MCF2L2: variants seen among roughly 807,000 people sequenced by gnomAD.
MCF2L2 encodes the protein probable guanine nucleotide exchange factor MCF2L2.
Under a neutral mutation model 150.2 loss-of-function variants are expected in MCF2L2, and 102 were observed. The ratio of observed to expected loss-of-function variants is 0.68; its 90% CI spans 0.58 to 0.80. MCF2L2 has a LOEUF of 0.80. Ranked by LOEUF, MCF2L2 falls within the 30% of genes least tolerant of loss-of-function variation. The pLI is 0.00. For missense variants in MCF2L2, 1,256 were observed against 1,372.8 expected, an observed-to-expected ratio of 0.91 and a Z score of 1.34; for synonymous variants, 465 against 491.3, an observed-to-expected ratio of 0.95 and a Z score of 0.71.
rs753050831 is a variant in MCF2L2, at chr3:183,227,456, G to T, written c.2115+841C>A. On this transcript the variant is annotated intron_variant, in intron 18 of 29. Transcript: ENST00000328913. This position sits in a 1 kb window ranked among gnomAD's most constrained non-coding sequence, Gnocchi z 4.0. Reference sequence around the variant, plus strand: ...AGGAGGCTGTAGATTTAGAATTTTCGAATCATCCTCTATGTTGTAAAAAAT... The same window carrying T: ...AGGAGGCTGTAGATTTAGAATTTTCTAATCATCCTCTATGTTGTAAAAAAT... 6.6e-6 allele frequency: 1 copy of T among 152,140 alleles called. No individual in the cohort carries two copies. The highest frequency in any genetic ancestry group is 1.5e-5 in the Non-Finnish European group (1 of 68,008). 9.4% of individuals were successfully genotyped at this position (152,140 alleles called of 1,614,324 possible).
At chr3:183,411,246 T>C (rs1715302739) in intron 1 of MCF2L2, among the ~76,000 whole-genome samples, 1 of 152,234 alleles carries the variant, frequency 6.6e-6, no homozygotes, top group Non-Finnish European at 1.5e-5. Context: ...ATAATAATTA[T>C]TGCCTGCCAG....
intron 3 of MCF2L2, among the ~76,000 whole-genome samples, chr3:183,359,518 T>C (rs922876992): frequency 6.6e-6 from 1 of 152,230 alleles, no homozygotes; most frequent in Non-Finnish European, 1.5e-5. Flanking sequence ...TCTATGGCCA[T>C]ATCACCTTGA....
chr3:183,218,580 G>A (rs1576932232), intron 21 of MCF2L2, among the ~76,000 whole-genome samples: 1 of 152,174 alleles, frequency 6.6e-6, no homozygotes, highest in East Asian at 1.9e-4. Flanking sequence ...GTTGCAGTGA[G>A]CCGAAACTGC....
At chr3:183,347,945 T>A (rs746716835) in intron 3 of MCF2L2, among the ~76,000 whole-genome samples, 1 of 152,172 alleles carries the variant, frequency 6.6e-6, no homozygotes, top group Non-Finnish European at 1.5e-5. Flanking sequence ...GCTTTTACAC[T>A]GTTGGTAGGA....
At chr3:183,246,611 T>C (rs1724266185) in intron 15 of MCF2L2, among the ~76,000 whole-genome samples, 2 of 152,262 alleles carry the variant, frequency 1.3e-5, no homozygotes, top group South Asian at 4.1e-4. Flanking sequence ...TGGGTTGTTT[T>C]CACCTTTTGG....
chr3:183,276,857 G>C lies in MCF2L2; in HGVS notation c.1862+15C>G, dbSNP rs750147155. 1.4e-5 allele frequency: 22 copies of C among 1,592,954 alleles called. 2 individuals carry two copies. In the South Asian group the frequency reaches 2.5e-4, roughly 18 times the overall value. On this transcript the variant is annotated intron_variant, in intron 15 of 29. Transcript: ENST00000328913. ...CACCCCCTCGCCCCCTGCACCCACG[G>C]ATGTGCAGTCTTACCTGCGGGGGGA...
chr3:183,410,089 C>A (rs973461680), intron 1 of MCF2L2, among the ~76,000 whole-genome samples: 1 of 152,130 alleles, frequency 6.6e-6, no homozygotes, highest in Non-Finnish European at 1.5e-5. Flanking sequence ...ACAACTAGTG[C>A]AGAAAGACCA....
chr3:183,422,497 C>A (rs923910387), intron 1 of MCF2L2, among the ~76,000 whole-genome samples: 4 of 152,198 alleles, frequency 2.6e-5, no homozygotes, highest in African/African-American at 9.7e-5. Context: ...CCCGCTGTAC[C>A]TGGGATAAAG....
chr3:183,189,591 G>A (rs1721807750), intron 27 of MCF2L2, among the ~76,000 whole-genome samples: 1 of 151,770 alleles, frequency 6.6e-6, no homozygotes, highest in South Asian at 2.1e-4. Context: ...CATGCCAGGA[G>A]ACCAGCAGGC....
chr3:183,384,263 T>C (rs552578217), intron 2 of MCF2L2, among the ~76,000 whole-genome samples: 18 of 152,342 alleles, frequency 1.2e-4, no homozygotes, highest in Non-Finnish European at 2.2e-4. Flanking sequence ...GAACTAACTT[T>C]GGGAGAAATT....
intron 25 of MCF2L2, among the ~76,000 whole-genome samples, chr3:183,199,595 T>C (rs1722187817): frequency 6.6e-6 from 1 of 152,064 alleles, no homozygotes; most frequent in South Asian, 2.1e-4. Context: ...GAAAATTTAT[T>C]TTCAGAATAT....
chr3:183,399,015 G>A (rs1042694794), intron 1 of MCF2L2, among the ~76,000 whole-genome samples: 1 of 152,088 alleles, frequency 6.6e-6, no homozygotes, highest in African/African-American at 2.4e-5. Flanking sequence ...GAAAGCTCTT[G>A]TAATAATTTA....
At chr3:183,255,449 T>C (rs1020639378) in intron 15 of MCF2L2, among the ~76,000 whole-genome samples, 6 of 152,216 alleles carry the variant, frequency 3.9e-5, no homozygotes, top group African/African-American at 1.2e-4. Flanking sequence ...AACCTGCTTG[T>C]CCTTCTCACT....
chr3:183,189,832 C>G (rs1721816804), intron 27 of MCF2L2, among the ~76,000 whole-genome samples: 1 of 152,196 alleles, frequency 6.6e-6, no homozygotes, highest in Non-Finnish European at 1.5e-5. Context: ...GGGCATTTAC[C>G]CAGACATCCT....
chr3:183,262,322 C>T (rs1472434349), intron 15 of MCF2L2, among the ~76,000 whole-genome samples: 3 of 151,918 alleles, frequency 2.0e-5, no homozygotes, highest in African/African-American at 7.3e-5. Flanking sequence ...CAATATTCAG[C>T]CCCCAGCAGG....
intron 2 of MCF2L2, among the ~76,000 whole-genome samples, chr3:183,381,003 T>C (rs2108588866): frequency 6.6e-6 from 1 of 152,332 alleles, no homozygotes; most frequent in Middle Eastern, 3.4e-3. Context: ...ATGTTAGTTA[T>C]TGCTTTTGGC....
intron 4 of MCF2L2, among the ~76,000 whole-genome samples, chr3:183,340,741 G>A (rs781562093): frequency 1.5e-4 from 23 of 152,054 alleles, no homozygotes; most frequent in Non-Finnish European, 2.5e-4. Context: ...TCAGGAGTTC[G>A]AGACCAGCCT....
chr3:183,395,917 CAAA>C (rs11338932), intron 1 of MCF2L2, among the ~76,000 whole-genome samples: 4 of 58,098 alleles, frequency 6.9e-5, no homozygotes, highest in Non-Finnish European at 9.2e-5. Flanking sequence ...GACATCGTCT[CAAA>C]AAAAAAAAAA....
Position 183,179,982 on chromosome 3 carries a change from G to A in MCF2L2, c.3105+89C>T. On this transcript the variant is annotated intron_variant, in intron 28 of 29. Coordinates refer to ENST00000328913, the MANE Select transcript of MCF2L2 (RefSeq NM_015078.4). The surrounding 1 kb of genome is among the most constrained non-coding windows in gnomAD (Gnocchi z 4.2). ...TGGGTGAGAATCCTGAGGAGGGGGA[G>A]AGGGATGGAGGCTAGGGACAGGAGG... 9.5e-7 allele frequency: 1 copy of A among 1,056,636 alleles called. No homozygotes were observed. Among genetic ancestry groups the A allele is most frequent in the East Asian group, 2.4e-5 (1 of 42,246 alleles). 65.5% of individuals were successfully genotyped at this position (1,056,636 alleles called of 1,614,324 possible). A position where few individuals can be genotyped will look rare whatever the true frequency, so the allele number is the denominator to read the frequency against.
Sources: gnomAD v4.1 joint callset for allele counts (sites outside exome capture counted in the v4.1 genomes callset) on GRCh38, gnomAD v4.1.1 for gene constraint, Gnocchi (gnomAD v3.1) non-coding constraint, MANE v1.5 for transcripts, NCBI Gene and HGNC (gene_info 2026-07-23, HGNC 2026-07-21) for gene names.